The following EYS variants were observed in gnomAD, a reference collection of about 807,000 sequenced individuals.
The protein encoded by EYS is protein eyes shut homolog.
In EYS, 250 loss-of-function variants were observed where a neutral mutation model predicts 282.1. That is an observed-to-expected ratio of 0.89 (90% CI 0.80 to 0.98). The LOEUF (loss-of-function observed/expected upper bound fraction) is 0.98. Among genes scored for constraint, EYS ranks in the 50% least tolerant of loss-of-function variants. The pLI is 0.00. For synonymous variants in EYS, 1,355 were observed against 1,282.9 expected (o/e 1.06, Z -1.20); for missense variants, 4,016 against 3,709.0 (o/e 1.08, Z -2.15).
intron 42 of EYS, among the ~76,000 whole-genome samples, chr6:63,722,569 C>A (rs114532678): frequency 0.012 from 1,836 of 152,304 alleles, 30 homozygotes; most frequent in African/African-American, 0.042. Flanking sequence ...TTGGAAAAAG[C>A]ATGTTCTTCA....
chr6:63,815,421 G>A (rs1771153786), intron 36 of EYS, among the ~76,000 whole-genome samples: 1 of 152,066 alleles, frequency 6.6e-6, no homozygotes, highest in Non-Finnish European at 1.5e-5. Context: ...TCATGACATT[G>A]GCCAGTTAAA....
At chr6:64,707,233 G>C (rs1771052024) in intron 22 of EYS, among the ~76,000 whole-genome samples, 2 of 152,068 alleles carry the variant, frequency 1.3e-5, no homozygotes, top group Non-Finnish European at 2.9e-5. Context: ...TTTAAGTGAA[G>C]TAACTCAGGA....
chr6:64,823,268 A>G (rs1764952961), intron 19 of EYS, among the ~76,000 whole-genome samples: 1 of 151,882 alleles, frequency 6.6e-6, no homozygotes, highest in South Asian at 2.1e-4. Flanking sequence ...TCTAAATGAA[A>G]TCTAACTTTG....
At chr6:64,598,405 G>A (rs185187199) in intron 24 of EYS, among the ~76,000 whole-genome samples, 274 of 152,322 alleles carry the variant, frequency 1.8e-3, no homozygotes, top group Non-Finnish European at 3.0e-3. Flanking sequence ...AGCTTGCAGT[G>A]AGCCAAGATT....
At chr6:63,738,226 G>T (rs370384629) in intron 41 of EYS, among the ~76,000 whole-genome samples, 1 of 152,094 alleles carries the variant, frequency 6.6e-6, no homozygotes, top group South Asian at 2.1e-4. Context: ...ACCCAGCCAT[G>T]CCATTACTGG....
At chr6:64,596,633 C>T (rs542240727) in intron 24 of EYS, among the ~76,000 whole-genome samples, 15 of 151,978 alleles carry the variant, frequency 9.9e-5, no homozygotes, top group African/African-American at 2.4e-4. Flanking sequence ...CAATAAATAG[C>T]GCAGGGAAAA....
intron 22 of EYS, among the ~76,000 whole-genome samples, chr6:64,699,106 T>G (rs563709046): frequency 6.6e-6 from 1 of 152,128 alleles, no homozygotes; most frequent in South Asian, 2.1e-4. Flanking sequence ...ATAAAGAAAA[T>G]GTGGTACATA....
chr6:63,900,242 A>C (rs931253942), intron 35 of EYS, among the ~76,000 whole-genome samples: 10 of 152,198 alleles, frequency 6.6e-5, no homozygotes, highest in Non-Finnish European at 1.5e-5. Context: ...TAAAAATGCA[A>C]TAACAAATGC....
At chr6:64,227,396 G>A (rs745988942) in intron 31 of EYS, among the ~76,000 whole-genome samples, 11 of 151,804 alleles carry the variant, frequency 7.2e-5, no homozygotes, top group East Asian at 3.9e-4. Context: ...AGATGACAGA[G>A]TGGAAGAATT....
intron 2 of EYS, among the ~76,000 whole-genome samples, chr6:65,503,968 C>A (rs2127279777): frequency 6.6e-6 from 1 of 151,638 alleles, no homozygotes; most frequent in East Asian, 1.9e-4. Context: ...ACTCTATAAC[C>A]AGGGTGCCAA....
intron 2 of EYS, among the ~76,000 whole-genome samples, chr6:65,514,771 C>T (rs1057026082): frequency 6.6e-6 from 1 of 152,126 alleles, no homozygotes; most frequent in Admixed American, 6.6e-5. Flanking sequence ...CTTCCTTACA[C>T]CTTATACAAA....
intron 22 of EYS, among the ~76,000 whole-genome samples, chr6:64,758,001 C>T (rs1773013100): frequency 1.3e-5 from 2 of 152,096 alleles, no homozygotes; most frequent in African/African-American, 4.8e-5. Context: ...GTCTTGATCG[C>T]CTGACCTCCT....
chr6:64,047,035 A>T (rs1770651600), intron 33 of EYS, among the ~76,000 whole-genome samples: 1 of 152,148 alleles, frequency 6.6e-6, no homozygotes, highest in African/African-American at 2.4e-5. Context: ...AACATGGGAC[A>T]CCAAGGATAT....
At chr6:64,992,760 C>A (rs72875965) in intron 14 of EYS, among the ~76,000 whole-genome samples, 10,278 of 151,942 alleles carry the variant, frequency 0.068, 441 homozygotes, top group East Asian at 0.13. Flanking sequence ...TGTGATTAAG[C>A]AAATCTTTAT....
intron 41 of EYS, among the ~76,000 whole-genome samples, chr6:63,734,251 C>T (rs1768853716): frequency 6.6e-6 from 1 of 152,056 alleles, no homozygotes; most frequent in Non-Finnish European, 1.5e-5. Flanking sequence ...CAAACCTGCA[C>T]ATGTACCTCC....
intron 14 of EYS, among the ~76,000 whole-genome samples, chr6:64,982,123 T>C (rs1173528425): frequency 6.6e-6 from 1 of 151,368 alleles, no homozygotes; most frequent in Non-Finnish European, 1.5e-5. Context: ...CAAATGTAAA[T>C]ATAATGATTC....
intron 30 of EYS, among the ~76,000 whole-genome samples, chr6:64,268,310 T>C (rs1268638160): frequency 2.0e-5 from 3 of 152,072 alleles, no homozygotes; most frequent in Non-Finnish European, 4.4e-5. Context: ...GCTATATATA[T>C]AAATAAGTGT....
intron 35 of EYS, among the ~76,000 whole-genome samples, chr6:63,949,378 T>C (rs1765496919): frequency 6.6e-6 from 1 of 152,174 alleles, no homozygotes. Context: ...CTTCCTGCCA[T>C]ACTTTTGTAC....
chr6:65,215,196 G>T (rs1766281523), intron 12 of EYS, among the ~76,000 whole-genome samples: 1 of 152,074 alleles, frequency 6.6e-6, no homozygotes, highest in African/African-American at 2.4e-5. Context: ...TATGGATCTT[G>T]GCATATTGAA....
Sources: allele counts gnomAD v4.1 joint callset (sites outside exome capture counted in the v4.1 genomes callset), GRCh38; gene constraint gnomAD v4.1.1; transcripts MANE v1.5; gene names NCBI Gene and HGNC (gene_info 2026-07-23, HGNC 2026-07-21).